PCDHGA6: variants seen among roughly 807,000 people sequenced by gnomAD.
The protein encoded by PCDHGA6 is protocadherin gamma-A6.
A neutral mutation model predicts 60.6 loss-of-function variants in PCDHGA6; 41 were observed. That is an observed-to-expected ratio of 0.68 (90% CI 0.53 to 0.88). The LOEUF is 0.88. PCDHGA6 is among the 40% of genes least tolerant of loss of function. PCDHGA6 has a pLI of 0.00. For missense variants in PCDHGA6, 1,312 were observed against 1,203.0 expected (o/e 1.09, Z -1.34); for synonymous variants, 594 against 524.4 (o/e 1.13, Z -1.81).
intron 1 of PCDHGA6, among the ~76,000 whole-genome samples, chr5:141,459,789 G>A (rs960868607): frequency 6.6e-6 from 1 of 152,206 alleles, no homozygotes; most frequent in Non-Finnish European, 1.5e-5. Context: ...AGTTTCAACT[G>A]TTTTTCCCTG....
chr5:141,398,017 A>AAACTGG (rs1270977201), intron 1 of PCDHGA6: 25 of 1,422,582 alleles, frequency 1.8e-5, no homozygotes, highest in Non-Finnish European at 2.2e-5. Context: ...ATCGTTTCCT[A>AAACTGG]AACTGGAACT....
At chr5:141,451,610 G>T (rs184745360) in intron 1 of PCDHGA6, among the ~76,000 whole-genome samples, 60 of 152,298 alleles carry the variant, frequency 3.9e-4, no homozygotes, top group African/African-American at 1.3e-3. Context: ...GGCTAGGCAT[G>T]GTGGCTCAAA....
chr5:141,473,151 T>C (rs2099315238), intron 1 of PCDHGA6, among the ~76,000 whole-genome samples: 1 of 152,242 alleles, frequency 6.6e-6, no homozygotes. Context: ...TTCAGATCAC[T>C]AGGGCTAGGA....
chr5:141,497,406 C>T lies in PCDHGA6; in HGVS notation c.2483+2541C>T, dbSNP rs892691245. 1.2e-4 allele frequency among the ~76,000 whole-genome samples: 19 copies of T among 152,174 alleles called. No individual in the cohort carries two copies. The East Asian group carries it at 1.5e-3, about 12-fold the overall frequency. ...AGCACCTTACCCCTGCCTCAACTCC[C>T]ATTCCATCAAATGAGAGGCTTAGTG... On this transcript the variant is annotated intron_variant, in intron 2 of 3. Transcript: ENST00000517434.
chr5:141,415,906 A>G, intron 1 of PCDHGA6: 1 of 784,990 alleles, frequency 1.3e-6, no homozygotes, highest in Non-Finnish European at 1.8e-6. Context: ...ACAGACTTCC[A>G]TACAGAAGTG....
At chr5:141,400,242 G>A (rs757952126) in intron 1 of PCDHGA6, 14 of 1,613,894 alleles carry the variant, frequency 8.7e-6, no homozygotes, top group Middle Eastern at 1.6e-4. Context: ...CCGTGATTCT[G>A]GCCGTTGCCT....
At chr5:141,466,281 C>T (rs555506496) in intron 1 of PCDHGA6, among the ~76,000 whole-genome samples, 76 of 152,252 alleles carry the variant, frequency 5.0e-4, no homozygotes, top group African/African-American at 1.7e-3. Context: ...AGCAATCTTC[C>T]CACCTCAGGC....
chr5:141,432,560 A>C lies in PCDHGA6; in HGVS notation c.2424+56053A>C. The C allele has an allele frequency of 2.5e-6, 4 of 1,613,600 alleles. No individual in the cohort carries two copies. Among genetic ancestry groups the C allele is most frequent in the Non-Finnish European group, 3.4e-6 (4 of 1,179,962 alleles). ...GGCGGTGGACAGAGACTCCGGCCAG[A>C]ACGCCTGGCTGTCCTACCGTCTGCT... On this transcript the variant is annotated intron_variant, in intron 1 of 3. Transcript: ENST00000517434. The surrounding 1 kb of genome is among the most constrained non-coding windows in gnomAD (Gnocchi z 6.0).
chr5:141,399,859 G>A (rs2093908235), intron 1 of PCDHGA6: 1 of 1,612,726 alleles, frequency 6.2e-7, no homozygotes, highest in Admixed American at 1.7e-5. Flanking sequence ...GCCGCGCGCT[G>A]CAGAGCCCGG....
At chr5:141,413,020 C>G in intron 1 of PCDHGA6, 7 of 693,768 alleles carry the variant, frequency 1.0e-5, no homozygotes, top group Non-Finnish European at 1.4e-5. Context: ...CTACACAAGC[C>G]CCACAAACCG....
rs551396089 is a variant in PCDHGA6, at chr5:141,423,798, A to T, written c.2424+47291A>T. On this transcript the variant is annotated intron_variant, in intron 1 of 3. Coordinates refer to ENST00000517434, the MANE Select transcript of PCDHGA6 (RefSeq NM_018919.3). ...TATTTAGTTCATATATATTTAGAGC[A>T]ATACATGTGAGTTTTACTTTGCCTT... is the stretch of plus-strand genomic sequence containing the variant. 3.3e-6 allele frequency: 4 copies of T among 1,222,280 alleles called. No homozygotes were observed. The South Asian group carries it at 1.1e-4, about 33-fold the overall frequency. 75.7% of individuals were successfully genotyped at this position (1,222,280 alleles called of 1,614,324 possible). A position where few individuals can be genotyped will look rare whatever the true frequency, so the allele number is the denominator to read the frequency against.
chr5:141,428,251 T>G, intron 1 of PCDHGA6: 2 of 893,496 alleles, frequency 2.2e-6, no homozygotes, highest in Non-Finnish European at 3.6e-6. Context: ...ACTGCCAGAC[T>G]TCAGTGACAG....
At chr5:141,414,132 T>A in intron 1 of PCDHGA6, 1 of 1,594,828 alleles carries the variant, frequency 6.3e-7, no homozygotes, top group South Asian at 1.1e-5. Flanking sequence ...CCGGTTTCTA[T>A]GAAATAGAAA....
At chr5:141,393,171 G>C (rs768471669) in intron 1 of PCDHGA6, 10 of 1,613,150 alleles carry the variant, frequency 6.2e-6, no homozygotes, top group Admixed American at 1.7e-5. Context: ...CTTTGGGGTA[G>C]AAATAGAAAT....
intron 1 of PCDHGA6, chr5:141,413,489 G>A (rs937434384): frequency 1.9e-6 from 3 of 1,614,036 alleles, no homozygotes; most frequent in Admixed American, 1.7e-5. Context: ...CAGAGCGCGC[G>A]GTGCGTGGTG....
At chr5:141,456,453 A>G (rs1395554812) in intron 1 of PCDHGA6, among the ~76,000 whole-genome samples, 1 of 152,190 alleles carries the variant, frequency 6.6e-6, no homozygotes, top group Non-Finnish European at 1.5e-5. Flanking sequence ...GAGTCCAAAT[A>G]TCAATACAAG....
intron 1 of PCDHGA6, among the ~76,000 whole-genome samples, chr5:141,465,263 T>C (rs538393085): frequency 1.3e-5 from 2 of 152,326 alleles, no homozygotes; most frequent in African/African-American, 4.8e-5. Flanking sequence ...GCAATGATAC[T>C]AGCCATTTAG....
chr5:141,431,767 T>C lies in PCDHGA6; in HGVS notation c.2424+55260T>C. The C allele has an allele frequency of 1.2e-6, 2 of 1,614,224 alleles. No homozygotes were observed. Among genetic ancestry groups the C allele is most frequent in the Non-Finnish European group, 1.7e-6 (2 of 1,180,034 alleles). ...CTGCGCGAGCCAAAGTCCTGATCAC[T>C]GTTCTGGACGTGAACGACAATGCCC... On this transcript the variant is annotated intron_variant, in intron 1 of 3. Coordinates refer to ENST00000517434, the MANE Select transcript of PCDHGA6 (RefSeq NM_018919.3). This position sits in a 1 kb window ranked among gnomAD's most constrained non-coding sequence, Gnocchi z 4.8.
intron 1 of PCDHGA6, among the ~76,000 whole-genome samples, chr5:141,466,534 T>C (rs1343781541): frequency 6.6e-6 from 1 of 152,214 alleles, no homozygotes; most frequent in Non-Finnish European, 1.5e-5. Flanking sequence ...CAAATTGATG[T>C]AGATGGTCTT....
Sources: allele counts gnomAD v4.1 joint callset (sites outside exome capture counted in the v4.1 genomes callset), GRCh38; gene constraint gnomAD v4.1.1; non-coding constraint Gnocchi (gnomAD v3.1); transcripts MANE v1.5; gene names NCBI Gene and HGNC (gene_info 2026-07-23, HGNC 2026-07-21).